The following SSH1 variants were observed in gnomAD, a reference collection of about 807,000 sequenced individuals.
SSH1 encodes protein phosphatase Slingshot homolog 1.
A neutral mutation model predicts 79.7 loss-of-function variants in SSH1; 43 were observed. That is an observed-to-expected ratio of 0.54 (90% CI 0.42 to 0.70). The LOEUF is 0.70. Among genes scored for constraint, SSH1 ranks in the 30% least tolerant of loss-of-function variants. The pLI, the probability that SSH1 is intolerant of heterozygous loss-of-function variation, is 0.00. For synonymous variants in SSH1, 599 were observed against 538.3 expected (o/e 1.11, Z -1.56); for missense variants, 1,206 against 1,358.8 (o/e 0.89, Z 1.77).
intron 13 of SSH1, 49 bp from the exon 14 acceptor site, chr12:108,792,878 G>C (rs760013281): frequency 1.4e-5 from 23 of 1,609,418 alleles, no homozygotes; most frequent in Non-Finnish European, 2.0e-5. Flanking sequence ...GATGGTGCCT[G>C]GGGGTGCTGG....
chr12:108,852,852 C>T, intron 1 of SSH1, 174 bp from the exon 2 acceptor site: 1 of 985,456 alleles, frequency 1.0e-6, no homozygotes, highest in South Asian at 4.7e-5. Context: ...CCCTTGGAGT[C>T]ATTTCCGTGG....
At position 108,805,120 on chromosome 12, in the gene SSH1, T is replaced by C. The variant is rs1229924113; in HGVS notation, c.890A>G (p.Asn297Ser). 1.2e-6 allele frequency: 2 copies of C among 1,614,008 alleles called. No homozygotes were observed. The highest frequency in any genetic ancestry group is 1.7e-5 in the Admixed American group (1 of 60,034). Residue 297 changes from asparagine (N) to serine (S), a missense_variant, in exon 10 of 15, where the codon AAT (asparagine) becomes AGT (serine). Asn to Ser is a conservative substitution (Grantham distance 46, BLOSUM62 1). Transcript: ENST00000326495. ...CTGTCCCAAGATAAGTAGCATCTCA[T>C]TGTCTATAAATTCCTTGAGTTCCTT... is the stretch of plus-strand genomic sequence containing the variant. ...NLKELKEFIDNEMLLILGQMD... is the reference protein window; with the variant it reads ...NLKELKEFIDSEMLLILGQMD...
rs2036314976 is a variant in SSH1 at position 108,787,527 on chromosome 12, TA to T, written c.*460del. 5.8e-6 allele frequency: 1 copy of T among 171,662 alleles called. No homozygotes were observed. The highest frequency in any genetic ancestry group is 5.6e-5 in the Admixed American group (1 of 17,706). 10.6% of individuals were successfully genotyped at this position (171,662 alleles called of 1,614,324 possible). ...ACAAGCCTTGGTCATTCGTGTGTTT[TA>T]AAAATAAAAAGCGCAGCGAGAACAG... On this transcript the variant is annotated 3_prime_UTR_variant, in exon 15 of 15. Transcript: ENST00000326495.
At position 108,799,056 on chromosome 12, in the gene SSH1, G is replaced by T. The variant is rs1434399163; in HGVS notation, c.1293C>A (p.Arg431=). ...GCTGCCTCATAAAGCCCGCGTTGGGGCGCGTGATGCTGCGCTTCTGCTTTA... is the reference window on the plus strand; with the variant it reads ...GCTGCCTCATAAAGCCCGCGTTGGGTCGCGTGATGCTGCGCTTCTGCTTTA... ...NYVKQKRSIT[R]PNAGFMRQLS... Residue 431 remains arginine, a synonymous_variant, in exon 13 of 15, where the codon CGC becomes CGA. Transcript: ENST00000326495. The T allele has an allele frequency of 6.2e-7, 1 of 1,613,990 alleles. No individual in the cohort carries two copies. The highest frequency in any genetic ancestry group is 2.2e-5 in the East Asian group (1 of 44,900).
chr12:108,790,864 T>C (rs969014514), intron 14 of SSH1, among the ~76,000 whole-genome samples: 2 of 151,862 alleles, frequency 1.3e-5, no homozygotes, highest in African/African-American at 4.8e-5. Context: ...AGGGCAAGGG[T>C]GGAAGTGGAG....
In SSH1 at chr12:108,843,684, G is replaced by A. The variant is rs184599787; in HGVS notation, c.110+8954C>T. 1.1e-4 allele frequency among the ~76,000 whole-genome samples: 16 copies of A among 152,126 alleles called. 1 individual carries two copies. The highest frequency in any genetic ancestry group is 4.1e-4 in the South Asian group (2 of 4,820). ...CAAGTAGCTGGGATTACAGGCACGC[G>A]CCACCATACTCGGCTAATTTTTGTA... On this transcript the variant is annotated intron_variant, in intron 2 of 14. Transcript: ENST00000326495.
At chr12:108,827,629 T>TA in intron 2 of SSH1, 1 of 1,127,706 alleles carries the variant, frequency 8.9e-7, no homozygotes, top group Non-Finnish European at 1.1e-6. Context: ...ACTGCACTCC[T>TA]ACGGGCTTTT....
chr12:108,794,387 G>T (rs2036652106), intron 13 of SSH1, among the ~76,000 whole-genome samples: 1 of 152,220 alleles, frequency 6.6e-6, no homozygotes. Context: ...GGCTGAGTGA[G>T]GGGCCGCGGT....
intron 8 of SSH1, among the ~76,000 whole-genome samples, chr12:108,806,740 G>GA (rs1156901190): frequency 6.6e-6 from 1 of 152,174 alleles, no homozygotes; most frequent in Non-Finnish European, 1.5e-5. Flanking sequence ...TGGGCATGAG[G>GA]ACCTCACTGT....
intron 2 of SSH1, chr12:108,837,091 G>A (rs981588771): frequency 2.6e-6 from 1 of 379,892 alleles, no homozygotes; most frequent in Non-Finnish European, 5.5e-6. Flanking sequence ...AATTAGCCGA[G>A]CGTGGTGGAG....
intron 13 of SSH1, among the ~76,000 whole-genome samples, chr12:108,795,596 G>A (rs2036715239): frequency 6.6e-6 from 1 of 151,834 alleles, no homozygotes; most frequent in East Asian, 1.9e-4. Flanking sequence ...TGGGCCAGGT[G>A]TGGTGGCCCA....
intron 2 of SSH1, among the ~76,000 whole-genome samples, chr12:108,827,034 C>T (rs1412107277): frequency 6.6e-6 from 1 of 151,758 alleles, no homozygotes; most frequent in African/African-American, 2.4e-5. Context: ...CCCTCTCTAC[C>T]CGCCAACTGG....
chr12:108,798,887 C>T (rs1378648656), intron 13 of SSH1, 113 bp downstream of exon 13: 14 of 1,261,688 alleles, frequency 1.1e-5, no homozygotes, highest in East Asian at 9.3e-5. Context: ...GCTGTGGAAG[C>T]GGCTGCTGGG....
chr12:108,791,774 T>C (rs1379211027), intron 14 of SSH1: 4 of 218,788 alleles, frequency 1.8e-5, no homozygotes, highest in Non-Finnish European at 3.2e-5. Context: ...TATCTATCTA[T>C]ATCTACAGTA....
rs1410470233 is a variant in SSH1, at chr12:108,783,878, G to A, written c.*4110C>T. The A allele has an allele frequency of 6.6e-6, 1 of 152,248 alleles. No homozygotes were observed. The highest frequency in any genetic ancestry group is 1.5e-5 in the Non-Finnish European group (1 of 68,090). 9.4% of individuals were successfully genotyped at this position (152,248 alleles called of 1,614,324 possible). ...CAATGTCTGCAGGAATCTGGGTAGT[G>A]GGACCAAGACAAGTGAGCCTGCTCT... On this transcript the variant is annotated 3_prime_UTR_variant, in exon 15 of 15. Coordinates refer to ENST00000326495, the MANE Select transcript of SSH1 (RefSeq NM_018984.4).
At chr12:108,841,021 T>C (rs1379283768) in intron 2 of SSH1, among the ~76,000 whole-genome samples, 8 of 152,174 alleles carry the variant, frequency 5.3e-5, no homozygotes, top group Non-Finnish European at 7.4e-5. Context: ...CAGATCTAGA[T>C]TGGTGGGTCT....
Position 108,786,684 on chromosome 12 carries a change from A to C in SSH1, c.*1304T>G, listed in dbSNP as rs867601806. ...AGGTGACAGAGCCAGGCCCTGTCTT[A>C]AAGAGGAAAAACCATTCCTAGCTCA... On this transcript the variant is annotated 3_prime_UTR_variant, in exon 15 of 15. Coordinates refer to ENST00000326495, the MANE Select transcript of SSH1 (RefSeq NM_018984.4). 6.6e-6 allele frequency: 1 copy of C among 152,174 alleles called. No homozygotes were observed. The highest frequency in any genetic ancestry group is 1.5e-5 in the Non-Finnish European group (1 of 68,042). 9.4% of individuals were successfully genotyped at this position (152,174 alleles called of 1,614,324 possible). A position where few individuals can be genotyped will look rare whatever the true frequency, so the allele number is the denominator to read the frequency against.
intron 2 of SSH1, among the ~76,000 whole-genome samples, chr12:108,843,023 G>A (rs373062457): frequency 3.9e-5 from 6 of 152,158 alleles, no homozygotes; most frequent in African/African-American, 1.4e-4. Context: ...ACCAACACAC[G>A]ATTATTGCGC....
At chr12:108,834,229 C>A (rs1266663336) in intron 2 of SSH1, 1 of 152,334 alleles carries the variant, frequency 6.6e-6, no homozygotes. Flanking sequence ...CCAGCTATAG[C>A]ACTGTCCCCA....
Sources: gnomAD v4.1 joint callset for allele counts (sites outside exome capture counted in the v4.1 genomes callset) on GRCh38, gnomAD v4.1.1 for gene constraint, MANE v1.5 for transcripts, NCBI Gene and HGNC (gene_info 2026-07-23, HGNC 2026-07-21) for gene names.